PCSK5: variants seen among roughly 807,000 people sequenced by gnomAD.
The protein encoded by PCSK5 is proprotein convertase subtilisin/kexin type 5.
Under a neutral mutation model 233.2 loss-of-function variants are expected in PCSK5, and 129 were observed. That is an observed-to-expected ratio of 0.55 (90% CI 0.48 to 0.64). The LOEUF is 0.64. PCSK5 is among the 30% of genes least tolerant of loss of function. The probability of loss-of-function intolerance (pLI) is 0.00; values close to 1 mark genes in which losing one functional copy is unlikely to be tolerated. For missense variants in PCSK5, 2,076 were observed against 2,430.1 expected (o/e 0.85, Z 3.06); for synonymous variants, 825 against 879.2 (o/e 0.94, Z 1.09).
chr9:76,069,995 AAT>A (rs1491235422), intron 6 of PCSK5, among the ~76,000 whole-genome samples: 25 of 123,802 alleles, frequency 2.0e-4, no homozygotes, highest in Non-Finnish European at 3.6e-4. Context: ...TTTCCATTCC[AAT>A]TTTTTTTTTT....
chr9:76,283,055 G>A (rs10114024), intron 24 of PCSK5, among the ~76,000 whole-genome samples: 1 of 152,130 alleles, frequency 6.6e-6, no homozygotes, highest in Admixed American at 6.5e-5. Flanking sequence ...GAACAGACAA[G>A]AAATTGGTTC....
At chr9:76,177,439 C>T (rs1823662637) in intron 14 of PCSK5, among the ~76,000 whole-genome samples, 1 of 152,146 alleles carries the variant, frequency 6.6e-6, no homozygotes, top group African/African-American at 2.4e-5. Flanking sequence ...AACAGAGTAT[C>T]TTAAATACAC....
At chr9:75,922,662 A>G (rs768892845) in intron 1 of PCSK5, among the ~76,000 whole-genome samples, 1 of 152,192 alleles carries the variant, frequency 6.6e-6, no homozygotes, top group Non-Finnish European at 1.5e-5. Context: ...ACCCTAGCCA[A>G]TTGGAAGGAA....
At chr9:75,892,649 C>G (rs1322193559) in intron 1 of PCSK5, among the ~76,000 whole-genome samples, 2 of 152,172 alleles carry the variant, frequency 1.3e-5, no homozygotes, top group African/African-American at 4.8e-5. Context: ...CGTTCCACGC[C>G]CAGGAACCCG....
chr9:76,152,173 T>A (rs1235036772), intron 10 of PCSK5, among the ~76,000 whole-genome samples: 1 of 152,166 alleles, frequency 6.6e-6, no homozygotes, highest in Non-Finnish European at 1.5e-5. Flanking sequence ...TCTCTCTCCA[T>A]AGTACTGTCA....
intron 2 of PCSK5, among the ~76,000 whole-genome samples, chr9:75,934,422 T>C (rs1056793253): frequency 5.3e-5 from 8 of 152,112 alleles, no homozygotes; most frequent in Admixed American, 4.6e-4. Context: ...CCCTAGCATA[T>C]GCCAGGCCCT....
At chr9:76,298,475 G>A (rs1828509677) in intron 27 of PCSK5, among the ~76,000 whole-genome samples, 2 of 152,274 alleles carry the variant, frequency 1.3e-5, no homozygotes, top group South Asian at 4.1e-4. Context: ...AATAAGACAT[G>A]CAGACCATTA....
intron 5 of PCSK5, among the ~76,000 whole-genome samples, chr9:76,038,350 C>T (rs955957552): frequency 1.1e-4 from 17 of 152,270 alleles, no homozygotes; most frequent in Admixed American, 6.5e-4. Context: ...TAGCAGTTGC[C>T]TCGGTCTTGG....
In PCSK5 at chr9:76,093,168, C is replaced by T. The variant is rs147795530; in HGVS notation, c.895-2722C>T. Among the ~76,000 whole-genome samples, 1,178 of 148,592 alleles carry T rather than the reference C, an allele frequency of 7.9e-3. 10 individuals are homozygous for T. The highest frequency in any genetic ancestry group is 0.013 in the Non-Finnish European group (867 of 67,580). ...GGAGGGCAGTGAAGCAGTCGTAGCG[C>T]GCTGCAGCCTCAAACTCCTGGCTCC... On this transcript the variant is annotated intron_variant, in intron 7 of 37. Transcript: ENST00000674117.
Position 76,096,056 on chromosome 9 carries a change from C to T in PCSK5, c.1061C>T (p.Thr354Met), listed in dbSNP as rs1195546482. 1.2e-6 allele frequency: 2 copies of T among 1,613,960 alleles called. No individual in the cohort carries two copies. The highest frequency in any genetic ancestry group is 1.7e-5 in the Admixed American group (1 of 59,996). ...TGGTACCTGGAAGAGTGTTCATCCA[C>T]GCTGGCCACAACCTACAGCAGCGGG... is the stretch of plus-strand genomic sequence containing the variant. ...KPWYLEECSS[T>M]LATTYSSGES... Residue 354 changes from threonine (T) to methionine (M), a missense_variant, in exon 8 of 38, where the codon ACG (threonine) becomes ATG (methionine). Physicochemically the swap from Thr to Met is moderately conservative, Grantham distance 81. This residue lies in a region of PCSK5 where 178 missense variants were observed against 393.6 expected (regional missense o/e 0.45). Coordinates refer to ENST00000674117, the MANE Select transcript of PCSK5 (RefSeq NM_001372043.1).
At chr9:76,054,138 G>A (rs1829737729) in intron 5 of PCSK5, among the ~76,000 whole-genome samples, 1 of 151,986 alleles carries the variant, frequency 6.6e-6, no homozygotes, top group African/African-American at 2.4e-5. Flanking sequence ...GAACTGCATG[G>A]GAAAAACCCA....
intron 3 of PCSK5, among the ~76,000 whole-genome samples, chr9:76,007,715 C>G (rs1827537160): frequency 6.6e-6 from 1 of 151,360 alleles, no homozygotes; most frequent in Non-Finnish European, 1.5e-5. Flanking sequence ...CAGCTTTGAC[C>G]TCCTGGGTTC....
intron 5 of PCSK5, among the ~76,000 whole-genome samples, chr9:76,046,183 T>TTG (rs1829380894): frequency 8.3e-6 from 1 of 120,556 alleles, no homozygotes. Flanking sequence ...TTTTTTTTTT[T>TTG]TTTTTTTTTT....
Position 75,902,203 on chromosome 9 carries a change from G to A in PCSK5, c.192+10830G>A, listed in dbSNP as rs547284049. Reference sequence around the variant, plus strand: ...TGCATTTCAGCCTGGGTGACAGAGTGAGACACCATCTAAAAAAAAAAAAAA... The same window carrying A: ...TGCATTTCAGCCTGGGTGACAGAGTAAGACACCATCTAAAAAAAAAAAAAA... On this transcript the variant is annotated intron_variant, in intron 1 of 37. Coordinates refer to ENST00000674117, the MANE Select transcript of PCSK5 (RefSeq NM_001372043.1). Among the ~76,000 whole-genome samples the A allele has an allele frequency of 4.0e-4, 38 of 94,316 alleles. No homozygotes were observed. The South Asian group carries it at 0.014, about 34-fold the overall frequency. 61.9% of individuals were successfully genotyped at this position (94,316 alleles called of 152,430 possible).
intron 7 of PCSK5, among the ~76,000 whole-genome samples, chr9:76,095,502 C>G (rs1831472132): frequency 6.6e-6 from 1 of 152,164 alleles, no homozygotes; most frequent in South Asian, 2.1e-4. Flanking sequence ...AGGAATATTA[C>G]TTAACTTCCT....
intron 10 of PCSK5, among the ~76,000 whole-genome samples, chr9:76,153,670 G>A (rs931382279): frequency 2.0e-5 from 3 of 152,220 alleles, no homozygotes; most frequent in African/African-American, 7.2e-5. Context: ...CTATCCTTGA[G>A]TAAATTTCAA....
chr9:76,091,790 C>T (rs1323836146), intron 7 of PCSK5, among the ~76,000 whole-genome samples: 2 of 152,190 alleles, frequency 1.3e-5, no homozygotes, highest in African/African-American at 2.4e-5. Context: ...TCCAGTGACT[C>T]CCCTCTCTCT....
rs10117209 is a variant in PCSK5, at chr9:76,186,051, C to T, written c.2282+1294C>T. ...GTAATTTTAAATATGCCAGTAACCA[C>T]ATTAAGAGAAGTAAAAAGATACAGG... On this transcript the variant is annotated intron_variant, in intron 17 of 37. Transcript: ENST00000674117. Among the ~76,000 whole-genome samples, 572 of 152,164 alleles carry T rather than the reference C, an allele frequency of 3.8e-3. 8 individuals carry two copies. Among genetic ancestry groups the T allele is most frequent in the African/African-American group, 0.013 (545 of 41,502 alleles).
At chr9:76,303,593 T>C (rs2131428120) in intron 28 of PCSK5, among the ~76,000 whole-genome samples, 1 of 152,336 alleles carries the variant, frequency 6.6e-6, no homozygotes, top group East Asian at 1.9e-4. Flanking sequence ...CTGATTAATA[T>C]TGTTGCCTTA....
Sources: gnomAD v4.1 joint callset for allele counts (sites outside exome capture counted in the v4.1 genomes callset) on GRCh38, gnomAD v4.1.1 for gene constraint, gnomAD v4.1.1 regional missense constraint, MANE v1.5 for transcripts, NCBI Gene and HGNC (gene_info 2026-07-23, HGNC 2026-07-21) for gene names.